The following CCAR2 variants were observed in gnomAD, a reference collection of about 807,000 sequenced individuals.
The protein encoded by CCAR2 is cell cycle and apoptosis regulator 2.
Under a neutral mutation model 108.1 loss-of-function variants are expected in CCAR2, and 21 were observed. The ratio of observed to expected loss-of-function variants is 0.19; its 90% CI spans 0.14 to 0.28. CCAR2 has a LOEUF of 0.28. CCAR2 is among the 10% of genes least tolerant of loss of function. The probability of loss-of-function intolerance (pLI) is 1.00; values close to 1 mark genes in which losing one functional copy is unlikely to be tolerated. For missense variants in CCAR2, 1,126 were observed against 1,177.0 expected (o/e 0.96, Z 0.63); for synonymous variants, 577 against 472.8 (o/e 1.22, Z -2.86).
chr8:22,606,434 A>G (rs1801082108), intron 3 of CCAR2, among the ~76,000 whole-genome samples, 173 bp from the exon 4 acceptor site: 1 of 152,140 alleles, frequency 6.6e-6, no homozygotes, highest in Non-Finnish European at 1.5e-5. Context: ...CAGCTCAAAC[A>G]TGCCCCAACC....
chr8:22,615,609 C>T lies in CCAR2; in HGVS notation c.1377+13C>T. 6.2e-7 allele frequency: 1 copy of T among 1,613,724 alleles called. No homozygotes were observed. Among genetic ancestry groups the T allele is most frequent in the South Asian group, 1.1e-5 (1 of 91,082 alleles). On this transcript the variant is annotated intron_variant, in intron 12 of 20. Transcript: ENST00000308511. ...GGAGGCACAAGGGGTAAGGCTGTGC[C>T]TTAGCCAGCAGCGGGGGATATAGGT...
chr8:22,613,417 AT>A (rs1355315754), intron 8 of CCAR2, among the ~76,000 whole-genome samples: 9 of 125,188 alleles, frequency 7.2e-5, no homozygotes, highest in African/African-American at 2.8e-4. Context: ...AACATGATTT[AT>A]TTACCCAGTT....
intron 7 of CCAR2, among the ~76,000 whole-genome samples, chr8:22,611,467 T>A (rs1282217907): frequency 6.6e-6 from 1 of 151,954 alleles, no homozygotes; most frequent in Non-Finnish European, 1.5e-5. Flanking sequence ...TGTGTATATA[T>A]ATATGTAAAA....
At chr8:22,621,223 T>C, downstream of CCAR2, 1 of 653,576 alleles carries the variant, frequency 1.5e-6, no homozygotes, top group South Asian at 1.9e-5. Flanking sequence ...GCTTACCTGC[T>C]GGGGCTGTGA....
chr8:22,619,784 C>T lies in CCAR2; in HGVS notation c.*102C>T, dbSNP rs1323172967. ...AGCAGCGAGAGCGAGACCTGGGAGC[C>T]AGGGCAGGGGTGGCTGACCCCATGC... On this transcript the variant is annotated 3_prime_UTR_variant, in exon 21 of 21. Coordinates refer to ENST00000308511, the MANE Select transcript of CCAR2 (RefSeq NM_001393997.1). 7.5e-7 allele frequency: 1 copy of T among 1,334,108 alleles called. No homozygotes were observed. The highest frequency in any genetic ancestry group is 1.3e-5 in the South Asian group (1 of 79,206). 82.6% of individuals were successfully genotyped at this position (1,334,108 alleles called of 1,614,324 possible). A position where few individuals can be genotyped will look rare whatever the true frequency, so the allele number is the denominator to read the frequency against.
At chr8:22,612,800 G>T in intron 7 of CCAR2, 3 of 489,270 alleles carry the variant, frequency 6.1e-6, no homozygotes, top group Admixed American at 8.0e-5. Context: ...ATACAATGTT[G>T]CAGAGTGTGC....
chr8:22,617,051 T>G (rs1279997158), intron 14 of CCAR2, among the ~76,000 whole-genome samples: 1 of 151,434 alleles, frequency 6.6e-6, no homozygotes, highest in Non-Finnish European at 1.5e-5. Flanking sequence ...GCCCAGCTAA[T>G]TTTTGTAGAG....
chr8:22,605,737 C>A lies in CCAR2; in HGVS notation c.-37C>A. 1 of 1,587,108 alleles carries A rather than the reference C, an allele frequency of 6.3e-7. No homozygotes were observed. The highest frequency in any genetic ancestry group is 8.6e-7 in the Non-Finnish European group (1 of 1,158,880). On this transcript the variant is annotated splice_region_variant and 5_prime_UTR_variant, in exon 2 of 21. Transcript: ENST00000308511. Reference sequence around the variant, plus strand: ...AATTTCTTTCTTTTTGGATTGAAGCCTTTTCCCCACGACTCTGAAAGAGGA... The same window carrying A: ...AATTTCTTTCTTTTTGGATTGAAGCATTTTCCCCACGACTCTGAAAGAGGA...
intron 1 of CCAR2, 46 bp from the exon 2 acceptor site, chr8:22,605,683 ATAGATGG>A: frequency 9.3e-7 from 1 of 1,069,868 alleles, no homozygotes; most frequent in Admixed American, 2.0e-5. Context: ...TTTTCCGGGT[ATAGATGG>A]AAATTTCCCT....
rs906617299 is a variant in CCAR2 at position 22,615,334 on chromosome 8, G to GCTGA, written c.1206-87_1206-84dup. The GCTGA allele has an allele frequency of 2.7e-6, 4 of 1,462,590 alleles. No homozygotes were observed. The South Asian group carries it at 3.8e-5, about 14-fold the overall frequency. 90.6% of individuals were successfully genotyped at this position (1,462,590 alleles called of 1,614,324 possible). ...GGTTCGCAGTGTGTGCTCATTGAGTGCTGACTGGAAACTGAAGCCCTTGCC... is the reference window on the plus strand; with the variant it reads ...GGTTCGCAGTGTGTGCTCATTGAGTGCTGACTGACTGGAAACTGAAGCCCTTGCC... On this transcript the variant is annotated intron_variant, in intron 11 of 20. Coordinates refer to ENST00000308511, the MANE Select transcript of CCAR2 (RefSeq NM_001393997.1).
intron 7 of CCAR2, among the ~76,000 whole-genome samples, chr8:22,609,047 T>G (rs1293747065): frequency 7.2e-6 from 1 of 138,620 alleles, no homozygotes; most frequent in Non-Finnish European, 1.6e-5. Context: ...TAACCCTTTT[T>G]TTTTCTTTTT....
Position 22,609,228 on chromosome 8 carries a change from C to T in CCAR2, c.584+1163C>T, listed in dbSNP as rs548358487. Among the ~76,000 whole-genome samples, 4 of 152,094 alleles carry T rather than the reference C, an allele frequency of 2.6e-5. No individual in the cohort carries two copies. The South Asian group carries it at 6.2e-4, about 24-fold the overall frequency. On this transcript the variant is annotated intron_variant, in intron 7 of 20. Coordinates refer to ENST00000308511, the MANE Select transcript of CCAR2 (RefSeq NM_001393997.1). Reference sequence around the variant, plus strand: ...ACCATGCTGGAGTAATTTTTTAAAACGTTTTTTGTAAGGCTGGGTGCGATG... The same window carrying T: ...ACCATGCTGGAGTAATTTTTTAAAATGTTTTTTGTAAGGCTGGGTGCGATG...
At chr8:22,608,909 C>G (rs527587572) in intron 7 of CCAR2, among the ~76,000 whole-genome samples, 8 of 152,228 alleles carry the variant, frequency 5.3e-5, no homozygotes, top group Non-Finnish European at 1.0e-4. Context: ...TCTTTTTCAT[C>G]TCTACCTCCA....
At chr8:22,618,769 G>A in intron 18 of CCAR2, 41 bp downstream of exon 18, 2 of 1,613,478 alleles carry the variant, frequency 1.2e-6, no homozygotes, top group Non-Finnish European at 1.7e-6. Context: ...GGCACGGGCA[G>A]GGCAGGCTGC....
At position 22,604,839 on chromosome 8, in the gene CCAR2, G is replaced by A. The variant is rs1800997868; in HGVS notation, c.-42G>A. On this transcript the variant is annotated 5_prime_UTR_variant, in exon 1 of 21. Coordinates refer to ENST00000308511, the MANE Select transcript of CCAR2 (RefSeq NM_001393997.1). The stretch of plus-strand genomic sequence containing the variant: ...CCCCCCGGTGTCGCTGCCCTGGCCC[G>A]CAGGTGGGTTGGGGGGCCCCCTGCC... 1 of 453,820 alleles carries A rather than the reference G, an allele frequency of 2.2e-6. No individual in the cohort carries two copies. Among genetic ancestry groups the A allele is most frequent in the Non-Finnish European group, 4.4e-6 (1 of 226,306 alleles). 28.1% of individuals were successfully genotyped at this position (453,820 alleles called of 1,614,324 possible).
chr8:22,617,419 G>T lies in CCAR2; in HGVS notation c.1846-1G>T. 2 of 1,537,468 alleles carry T rather than the reference G, an allele frequency of 1.3e-6. No homozygotes were observed. Among genetic ancestry groups the T allele is most frequent in the Non-Finnish European group, 1.7e-6 (2 of 1,144,536 alleles). ...CTTATAACCTTTGTCTGCCTCTGTA[G>T]AAGGAGGATGGGCTTTTGCCCAAAC... is the stretch of plus-strand genomic sequence containing the variant. On this transcript the variant is annotated splice_acceptor_variant, in intron 14 of 20. Transcript: ENST00000308511. LOFTEE classifies it high-confidence loss of function.
At chr8:22,608,106 C>T in intron 7 of CCAR2, 41 bp downstream of exon 7, 2 of 1,400,188 alleles carry the variant, frequency 1.4e-6, no homozygotes, top group Middle Eastern at 1.8e-4. Context: ...CTTGTTGACA[C>T]TAACATTCTC....
intron 12 of CCAR2, 40 bp downstream of exon 12, chr8:22,615,636 G>A: frequency 6.2e-7 from 1 of 1,613,590 alleles, no homozygotes; most frequent in Non-Finnish European, 8.5e-7. Flanking sequence ...GATATAGGTG[G>A]CCTAATCCCG....
At chr8:22,621,284 G>GTCAT (rs1358790372), downstream of CCAR2, 1 of 1,181,072 alleles carries the variant, frequency 8.5e-7, no homozygotes, top group Non-Finnish European at 1.2e-6. Flanking sequence ...CTCAGGAAGA[G>GTCAT]TCATTCATTG....
Sources: gnomAD v4.1 joint callset for allele counts (sites outside exome capture counted in the v4.1 genomes callset) on GRCh38, gnomAD v4.1.1 for gene constraint, MANE v1.5 for transcripts, NCBI Gene and HGNC (gene_info 2026-07-23, HGNC 2026-07-21) for gene names.